Variants in PCDHA1 observed in about 807,000 individuals in gnomAD.
PCDHA1 encodes protocadherin alpha-1.
PCDHA1 carries 42 observed loss-of-function variants against 61.3 expected under a neutral mutation model. The ratio of observed to expected loss-of-function variants is 0.69; its 90% CI spans 0.54 to 0.89. PCDHA1 has a LOEUF of 0.89. PCDHA1 is among the 40% of genes least tolerant of loss of function. The probability of loss-of-function intolerance (pLI) is 0.00; values close to 1 mark genes in which losing one functional copy is unlikely to be tolerated. For synonymous variants in PCDHA1, 610 were observed against 553.8 expected, an observed-to-expected ratio of 1.10 and a Z score of -1.43; for missense variants, 1,256 against 1,235.3, an observed-to-expected ratio of 1.02 and a Z score of -0.25.
intron 1 of PCDHA1, chr5:140,868,232 C>T (rs1176693366): frequency 6.6e-6 from 1 of 152,032 alleles, no homozygotes; most frequent in Non-Finnish European, 1.5e-5. Flanking sequence ...AAAAACTCAT[C>T]TAGATCAATA....
intron 1 of PCDHA1, among the ~76,000 whole-genome samples, chr5:140,912,714 C>T (rs1312540155): frequency 6.6e-6 from 1 of 152,088 alleles, no homozygotes; most frequent in African/African-American, 2.4e-5. Context: ...CAACTTTTCT[C>T]CATTCAATAT....
chr5:140,788,676 T>C lies in PCDHA1; in HGVS notation c.2386T>C (p.Ser796Pro). The change falls in exon 1 of 4, where the codon TCT becomes CCT. Residue 796 changes from serine (S) to proline (P), a missense_variant. Ser to Pro is a moderately conservative substitution (Grantham distance 74). Transcript: ENST00000504120. The stretch of plus-strand genomic sequence containing the variant: ...ACAACCAGAAGCAAATTTGGATCTT[T>C]CTGGTAATGTAAGTCCAACTTTCGA... ...NEQPEANLDL[S>P]GNPRQPNPDW... 1 of 1,559,770 alleles carries C rather than the reference T, an allele frequency of 6.4e-7. No individual in the cohort carries two copies. The highest frequency in any genetic ancestry group is 1.7e-4 in the Middle Eastern group (1 of 5,810).
At chr5:140,796,785 TTC>T (rs781998064) in intron 1 of PCDHA1, 5 of 1,614,098 alleles carry the variant, frequency 3.1e-6, no homozygotes, top group Non-Finnish European at 4.2e-6. Context: ...ACGCGTGGCT[TTC>T]GTACGAGCTT....
At chr5:140,869,463 C>T (rs1554163094) in intron 1 of PCDHA1, 1 of 1,614,148 alleles carries the variant, frequency 6.2e-7, no homozygotes, top group South Asian at 1.1e-5. Context: ...TCCATGTGAA[C>T]GTGGAGGTGA....
intron 1 of PCDHA1, among the ~76,000 whole-genome samples, chr5:140,938,952 C>G (rs1036829091): frequency 4.6e-5 from 7 of 152,104 alleles, no homozygotes; most frequent in South Asian, 2.1e-4. Flanking sequence ...TTATAATGCT[C>G]TAGTCGGAGT....
rs782026526 is a variant in PCDHA1, at chr5:140,857,844, ACT to A, written c.2394+69163_2394+69164del. The stretch of plus-strand genomic sequence containing the variant: ...GCTAAGGTGCGCGCAGTGGACGCTG[ACT>A]CTGGATACAACGCGTGGCTGTCGTA... On this transcript the variant is annotated intron_variant, in intron 1 of 3. Transcript: ENST00000504120. 1.0e-5 allele frequency: 16 copies of A among 1,596,614 alleles called. No homozygotes were observed. In the Admixed American group the frequency reaches 1.2e-4, roughly 12 times the overall value.
At chr5:140,827,119 C>G (rs1259268754) in intron 1 of PCDHA1, among the ~76,000 whole-genome samples, 3 of 151,928 alleles carry the variant, frequency 2.0e-5, no homozygotes, top group Non-Finnish European at 4.4e-5. Flanking sequence ...GTGAAAGTGA[C>G]AATTAGAAAC....
intron 1 of PCDHA1, chr5:140,796,459 G>T: frequency 1.2e-6 from 2 of 1,612,710 alleles, no homozygotes; most frequent in Non-Finnish European, 1.7e-6. Context: ...GGAGCGGCGG[G>T]TGGGCGAGCG....
intron 1 of PCDHA1, chr5:140,803,474 C>A (rs782177204): frequency 3.7e-6 from 6 of 1,614,146 alleles, no homozygotes; most frequent in Non-Finnish European, 4.2e-6. Context: ...AGAGGGTGTG[C>A]TCTGGAGAGG....
At position 140,876,825 on chromosome 5, in the gene PCDHA1, T is replaced by C. The variant is rs200732511; in HGVS notation, c.2394+88141T>C. ...TGGAGGTGGCCGACGTGAACGACAA[T>C]GCGCCTGCGTTCGCGCAGCCCGAGT... On this transcript the variant is annotated intron_variant, in intron 1 of 3. Transcript: ENST00000504120. The C allele has an allele frequency of 2.4e-4, 380 of 1,614,056 alleles. 4 individuals carry two copies. The East Asian group carries it at 3.4e-3, about 15-fold the overall frequency.
chr5:140,979,081 G>A, intron 2 of PCDHA1, 74 bp downstream of exon 2: 1 of 1,564,866 alleles, frequency 6.4e-7, no homozygotes, highest in South Asian at 1.2e-5. Flanking sequence ...CATCTCCATA[G>A]GCCAGAAGCA....
intron 1 of PCDHA1, chr5:140,967,457 G>A: frequency 6.2e-7 from 1 of 1,613,614 alleles, no homozygotes; most frequent in Non-Finnish European, 8.5e-7. Context: ...CACAGCCGTG[G>A]ATGGGGGCAT....
intron 1 of PCDHA1, chr5:140,805,717 G>A (rs1468576593): frequency 3.7e-6 from 2 of 544,456 alleles, no homozygotes; most frequent in Non-Finnish European, 4.7e-6. Flanking sequence ...TAAAAATTAA[G>A]CTAAAACCCA....
At chr5:140,818,183 G>A (rs2150100367) in intron 1 of PCDHA1, among the ~76,000 whole-genome samples, 54 of 152,080 alleles carry the variant, frequency 3.6e-4, no homozygotes, top group Non-Finnish European at 6.6e-4. Context: ...ATATTCTTCT[G>A]TGACTATAAG....
At chr5:140,908,226 T>A (rs1488573035) in intron 1 of PCDHA1, among the ~76,000 whole-genome samples, 1 of 152,140 alleles carries the variant, frequency 6.6e-6, no homozygotes, top group Non-Finnish European at 1.5e-5. Flanking sequence ...GAACCAGTCC[T>A]TAGTCTTCTC....
At chr5:140,999,620 G>A (rs184259991) in intron 3 of PCDHA1, among the ~76,000 whole-genome samples, 6 of 152,262 alleles carry the variant, frequency 3.9e-5, no homozygotes, top group African/African-American at 1.2e-4. Flanking sequence ...TATCAACCAG[G>A]AAACAAGGTA....
intron 1 of PCDHA1, among the ~76,000 whole-genome samples, chr5:140,939,502 T>A (rs781895675): frequency 2.7e-5 from 4 of 150,818 alleles, no homozygotes; most frequent in Non-Finnish European, 5.9e-5. Flanking sequence ...AAATTCAATG[T>A]CTATAACATT....
intron 1 of PCDHA1, chr5:140,967,572 A>T (rs782502082): frequency 4.3e-6 from 7 of 1,613,544 alleles, no homozygotes; most frequent in Middle Eastern, 3.3e-4. Flanking sequence ...CTACGGGAGG[A>T]CTCACCCCCA....
rs1212593321 is a variant in PCDHA1, at chr5:140,803,224, C to A, written c.2394+14540C>A. The A allele has an allele frequency of 2.5e-6, 4 of 1,613,848 alleles. No individual in the cohort carries two copies. The highest frequency in any genetic ancestry group is 2.7e-5 in the African/African-American group (2 of 75,068). ...TCGCTGGTGGAGAGTGGCCAGGCAC[C>A]CAAGGCCTCGTCCCAGGCGTCCGCT... On this transcript the variant is annotated intron_variant, in intron 1 of 3. Transcript: ENST00000504120.
Sources: allele counts gnomAD v4.1 joint callset (sites outside exome capture counted in the v4.1 genomes callset), GRCh38; gene constraint gnomAD v4.1.1; transcripts MANE v1.5; gene names NCBI Gene and HGNC (gene_info 2026-07-23, HGNC 2026-07-21).